Variants in LRRC17 observed in about 807,000 individuals in gnomAD.
LRRC17 encodes leucine rich repeat containing 17, also known as leucine-rich repeat-containing protein 17.
A neutral mutation model predicts 41.5 loss-of-function variants in LRRC17; 33 were observed. That is an observed-to-expected ratio of 0.80 (90% CI 0.60 to 1.06). The LOEUF (loss-of-function observed/expected upper bound fraction) is 1.06. Among genes scored for constraint, LRRC17 ranks in the 50% least tolerant of loss-of-function variants. The pLI is 0.00. For missense variants in LRRC17, 491 were observed against 519.3 expected (o/e 0.95, Z 0.53); for synonymous variants, 192 against 197.0 (o/e 0.97, Z 0.21).
At chr7:102,926,598 A>G (rs912463238) in intron 1 of LRRC17, among the ~76,000 whole-genome samples, 1 of 152,204 alleles carries the variant, frequency 6.6e-6, no homozygotes, top group Admixed American at 6.5e-5. Context: ...TTGGAAATCA[A>G]GTCTCATTCC....
chr7:102,931,844 T>C, intron 1 of LRRC17: 2 of 1,591,464 alleles, frequency 1.3e-6, no homozygotes, highest in Non-Finnish European at 8.6e-7. Context: ...CAAGTCAATC[T>C]ATATAAACAG....
At position 102,934,144 on chromosome 7, in the gene LRRC17, TG is replaced by T; in HGVS notation, c.233del (p.Gly78ValfsTer11). The T allele has an allele frequency of 6.2e-7, 1 of 1,614,172 alleles. No individual in the cohort carries two copies. The highest frequency in any genetic ancestry group is 8.5e-7 in the Non-Finnish European group (1 of 1,179,998). On this transcript the variant is annotated frameshift_variant, in exon 2 of 4. Coordinates refer to ENST00000339431, the MANE Select transcript of LRRC17 (RefSeq NM_001031692.3). LOFTEE classifies it high-confidence loss of function. ...AAAGAAAATTAGTTTATGTGCTGCC[TG>T]GTTGGCCTCAGGATTTGCTGCACAT... ...QERKLVYVLP[G>X]WPQDLLHMLL...
At chr7:102,939,729 T>C (rs748246967) in intron 3 of LRRC17, 144 bp downstream of exon 3, 20 of 758,918 alleles carry the variant, frequency 2.6e-5, no homozygotes, top group East Asian at 7.9e-5. Flanking sequence ...ATGACACTTA[T>C]ACTAGGAGTT....
intron 1 of LRRC17, among the ~76,000 whole-genome samples, chr7:102,923,355 T>C (rs186270763): frequency 6.3e-4 from 96 of 152,294 alleles, no homozygotes; most frequent in African/African-American, 2.2e-3. Flanking sequence ...TACTTCCATA[T>C]TGGCCAATTC....
intron 1 of LRRC17, chr7:102,931,952 A>G: frequency 6.2e-7 from 1 of 1,610,384 alleles, no homozygotes; most frequent in Non-Finnish European, 8.5e-7. Context: ...AATAAGTTAC[A>G]CGTCACTAAA....
At chr7:102,940,312 C>G (rs1821168748) in intron 3 of LRRC17, among the ~76,000 whole-genome samples, 1 of 151,858 alleles carries the variant, frequency 6.6e-6, no homozygotes, top group African/African-American at 2.4e-5. Context: ...CAGGTTCACG[C>G]CATTCTCCTG....
Position 102,944,893 on chromosome 7 carries a change from G to T in LRRC17, c.*286G>T. On this transcript the variant is annotated 3_prime_UTR_variant, in exon 4 of 4. Coordinates refer to ENST00000339431, the MANE Select transcript of LRRC17 (RefSeq NM_001031692.3). Reference sequence around the variant, plus strand: ...TGGCATTAGACTTTCATAATGTCCTGTATAAATGTTTTTACTGCTTTTAGA... The same window carrying T: ...TGGCATTAGACTTTCATAATGTCCTTTATAAATGTTTTTACTGCTTTTAGA... 3.7e-6 allele frequency: 1 copy of T among 270,580 alleles called. No individual in the cohort carries two copies. Among genetic ancestry groups the T allele is most frequent in the Non-Finnish European group, 6.8e-6 (1 of 146,742 alleles). The allele number at this position is 270,580 out of a possible 1,614,324, so 16.8% of individuals were successfully genotyped here. A position where few individuals can be genotyped will look rare whatever the true frequency, so the allele number is the denominator to read the frequency against.
At chr7:102,941,713 C>CTA (rs1056675830) in intron 3 of LRRC17, among the ~76,000 whole-genome samples, 40 of 149,150 alleles carry the variant, frequency 2.7e-4, no homozygotes, top group African/African-American at 9.2e-4. Flanking sequence ...TGTAGTTTAC[C>CTA]AACTATCAAT....
chr7:102,917,105 G>C (rs1816050365), intron 1 of LRRC17, among the ~76,000 whole-genome samples: 1 of 152,144 alleles, frequency 6.6e-6, no homozygotes, highest in South Asian at 2.1e-4. Context: ...TGGGCTCTCT[G>C]GTTTCACAGA....
chr7:102,924,641 C>CTTT (rs71106699), intron 1 of LRRC17, among the ~76,000 whole-genome samples: 19 of 121,038 alleles, frequency 1.6e-4, no homozygotes, highest in Non-Finnish European at 2.2e-4. Flanking sequence ...GTAAGCTTTT[C>CTTT]TTTTTTTTTT....
intron 1 of LRRC17, 199 bp downstream of exon 1, chr7:102,913,344 T>C: frequency 9.2e-7 from 1 of 1,083,374 alleles, no homozygotes; most frequent in South Asian, 1.6e-5. Context: ...CATTTAACTT[T>C]ACTGTTAACT....
At chr7:102,914,135 A>C (rs113389829) in intron 1 of LRRC17, among the ~76,000 whole-genome samples, 5 of 152,162 alleles carry the variant, frequency 3.3e-5, no homozygotes, top group African/African-American at 1.2e-4. Context: ...ATCTTGGCTC[A>C]CTGCAACCTC....
chr7:102,916,622 C>T (rs191044976), intron 1 of LRRC17, among the ~76,000 whole-genome samples: 77 of 152,280 alleles, frequency 5.1e-4, no homozygotes, highest in African/African-American at 1.7e-3. Flanking sequence ...TTGTGCAATA[C>T]TCATACTCTT....
At position 102,934,441 on chromosome 7, in the gene LRRC17, A is replaced by T. The variant is rs1819877747; in HGVS notation, c.528A>T (p.Ser176=). 6.2e-7 allele frequency: 1 copy of T among 1,614,082 alleles called. No homozygotes were observed. The change falls in exon 2 of 4, where the codon TCA becomes TCT. Residue 176 remains serine, a synonymous_variant. Coordinates refer to ENST00000339431, the MANE Select transcript of LRRC17 (RefSeq NM_001031692.3). The part of the protein sequence containing the change: ...HCTCEIETLI[S]MLQIPRNRNL... The stretch of plus-strand genomic sequence containing the variant: ...CTTGTGAGATAGAAACGCTTATTTC[A>T]ATGTTGCAGATTCCCAGGAACCGGA...
At chr7:102,940,873 C>T (rs1821297772) in intron 3 of LRRC17, among the ~76,000 whole-genome samples, 1 of 152,180 alleles carries the variant, frequency 6.6e-6, no homozygotes, top group Non-Finnish European at 1.5e-5. Context: ...AAAGTTTTAA[C>T]TATGAAAATG....
At chr7:102,917,568 C>G (rs1008342155) in intron 1 of LRRC17, among the ~76,000 whole-genome samples, 5 of 152,210 alleles carry the variant, frequency 3.3e-5, no homozygotes, top group Non-Finnish European at 7.3e-5. Flanking sequence ...GAGAAAGGCA[C>G]TGCAGCTATA....
intron 1 of LRRC17, among the ~76,000 whole-genome samples, chr7:102,923,545 G>A (rs762810616): frequency 2.6e-5 from 4 of 152,196 alleles, no homozygotes; most frequent in South Asian, 2.1e-4. Flanking sequence ...TTTTAAGGCC[G>A]GGCGCGGTGG....
In LRRC17 at chr7:102,918,488, T is replaced by C. The variant is rs545369958; in HGVS notation, c.-141+5343T>C. Among the ~76,000 whole-genome samples, 24 of 152,262 alleles carry C rather than the reference T, an allele frequency of 1.6e-4. 1 individual carries two copies. In the South Asian group the frequency reaches 3.3e-3, roughly 21 times the overall value. Reference sequence around the variant, plus strand: ...CAATGTATGATTGAAAATAAATATGTTTTAAGTTAAAAAATAATTTGTAAT... The same window carrying C: ...CAATGTATGATTGAAAATAAATATGCTTTAAGTTAAAAAATAATTTGTAAT... On this transcript the variant is annotated intron_variant, in intron 1 of 3. Coordinates refer to ENST00000339431, the MANE Select transcript of LRRC17 (RefSeq NM_001031692.3).
At chr7:102,914,096 T>C (rs566733199) in intron 1 of LRRC17, among the ~76,000 whole-genome samples, 85 of 152,322 alleles carry the variant, frequency 5.6e-4, no homozygotes, top group African/African-American at 1.7e-3. Context: ...AGTTTCGCTC[T>C]TGTTGCCCAG....
Sources: allele counts gnomAD v4.1 joint callset (sites outside exome capture counted in the v4.1 genomes callset), GRCh38; gene constraint gnomAD v4.1.1; transcripts MANE v1.5; gene names NCBI Gene and HGNC (gene_info 2026-07-23, HGNC 2026-07-21).